Variants in ARID5B observed in about 807,000 individuals in gnomAD.
ARID5B encodes the protein AT-rich interactive domain-containing protein 5B.
In ARID5B, 13 loss-of-function variants were observed where a neutral mutation model predicts 97.2. The observed-to-expected ratio is 0.13, with a 90% CI of 0.09 to 0.21. The LOEUF is 0.21. Among genes scored for constraint, ARID5B ranks in the 10% least tolerant of loss-of-function variants. ARID5B has a pLI of 1.00. For missense variants in ARID5B, 1,210 were observed against 1,465.3 expected (o/e 0.83, Z 2.84); for synonymous variants, 556 against 570.3 (o/e 0.97, Z 0.36).
chr10:62,022,923 G>C (rs1159334600), intron 4 of ARID5B, among the ~76,000 whole-genome samples: 1 of 152,196 alleles, frequency 6.6e-6, no homozygotes, highest in Non-Finnish European at 1.5e-5. Flanking sequence ...CAGAACCCGT[G>C]GTGCCCGTGT....
rs201690306 is a variant in ARID5B at position 62,040,353 on chromosome 10, A to G, written c.734-10535A>G. On this transcript the variant is annotated intron_variant, in intron 4 of 9. Transcript: ENST00000279873. ...CTATTATAACATTATATATATATATATGTGTGTAATGTGTATATATAACTA... is the reference window on the plus strand; with the variant it reads ...CTATTATAACATTATATATATATATGTGTGTGTAATGTGTATATATAACTA... 2.1e-4 allele frequency among the ~76,000 whole-genome samples: 26 copies of G among 121,802 alleles called. No homozygotes were observed. The Middle Eastern group carries it at 0.013, about 60-fold the overall frequency. 79.9% of individuals were successfully genotyped at this position (121,802 alleles called of 152,430 possible). A position where few individuals can be genotyped will look rare whatever the true frequency, so the allele number is the denominator to read the frequency against.
intron 8 of ARID5B, among the ~76,000 whole-genome samples, chr10:62,070,567 A>G (rs566571351): frequency 1.3e-5 from 2 of 152,324 alleles, no homozygotes; most frequent in East Asian, 3.9e-4. Context: ...AGGCAATACC[A>G]TTTAACTCAT....
At chr10:61,935,999 A>T (rs1194118224) in intron 2 of ARID5B, among the ~76,000 whole-genome samples, 4 of 152,248 alleles carry the variant, frequency 2.6e-5, no homozygotes, top group Non-Finnish European at 5.9e-5. Context: ...GAGTGAAAAA[A>T]GCCAGTAATG....
intron 3 of ARID5B, among the ~76,000 whole-genome samples, chr10:61,999,163 A>G (rs1309388199): frequency 6.6e-6 from 1 of 152,212 alleles, no homozygotes; most frequent in Non-Finnish European, 1.5e-5. Flanking sequence ...AAAGGAGAAC[A>G]GGAAATAGTT....
At chr10:62,074,289 C>T (rs9633555) in intron 8 of ARID5B, among the ~76,000 whole-genome samples, 50,274 of 152,102 alleles carry the variant, frequency 0.33, 9,049 homozygotes, top group Non-Finnish European at 0.41. Flanking sequence ...AAATTAGCAA[C>T]TATTCTTCAT....
intron 4 of ARID5B, among the ~76,000 whole-genome samples, chr10:62,041,779 A>G (rs897378466): frequency 2.6e-5 from 4 of 152,244 alleles, no homozygotes; most frequent in African/African-American, 9.6e-5. Context: ...GGAATATCTC[A>G]TTTCCAAACC....
chr10:62,000,035 T>C lies in ARID5B; in HGVS notation c.503-56T>C. ...GATTATTGAAATTATACCATGGCCATGAAAGTTCTTTGTCAGAGGGAAGAG... is the reference window on the plus strand; with the variant it reads ...GATTATTGAAATTATACCATGGCCACGAAAGTTCTTTGTCAGAGGGAAGAG... On this transcript the variant is annotated intron_variant, in intron 3 of 9. Coordinates refer to ENST00000279873, the MANE Select transcript of ARID5B (RefSeq NM_032199.3). This position sits in a 1 kb window ranked among gnomAD's most constrained non-coding sequence, Gnocchi z 4.4. 6.5e-7 allele frequency: 1 copy of C among 1,530,716 alleles called. No homozygotes were observed. Among genetic ancestry groups the C allele is most frequent in the Non-Finnish European group, 9.0e-7 (1 of 1,106,120 alleles). 94.8% of individuals were successfully genotyped at this position (1,530,716 alleles called of 1,614,324 possible).
intron 5 of ARID5B, among the ~76,000 whole-genome samples, chr10:62,051,909 AAG>A (rs1340384299): frequency 6.6e-6 from 1 of 152,074 alleles, no homozygotes; most frequent in Non-Finnish European, 1.5e-5. Context: ...GTGAATTTGG[AAG>A]AGTCTGATGT....
intron 4 of ARID5B, among the ~76,000 whole-genome samples, chr10:62,019,314 C>A (rs1260651853): frequency 2.0e-5 from 3 of 152,166 alleles, no homozygotes; most frequent in African/African-American, 7.2e-5. Flanking sequence ...GCTATTATTT[C>A]TCCTTAATGC....
At chr10:61,917,146 TA>T (rs1843921070) in intron 2 of ARID5B, among the ~76,000 whole-genome samples, 1 of 143,842 alleles carries the variant, frequency 7.0e-6, no homozygotes, top group African/African-American at 2.6e-5. Context: ...GGCAACAGAG[TA>T]AGATCCTGTT....
At chr10:62,049,405 T>G in intron 4 of ARID5B, 1 of 1,550,112 alleles carries the variant, frequency 6.5e-7, no homozygotes, top group Non-Finnish European at 8.7e-7. Context: ...CTTCCAGGGA[T>G]GTGGCCGGGG....
chr10:61,920,000 A>G (rs1458602658), intron 2 of ARID5B, among the ~76,000 whole-genome samples: 1 of 152,202 alleles, frequency 6.6e-6, no homozygotes, highest in East Asian at 1.9e-4. Flanking sequence ...TTCAAGAGAC[A>G]GCCAAGCAGG....
chr10:62,091,113 A>C lies in ARID5B; in HGVS notation c.1650A>C (p.Glu550Asp), dbSNP rs1840363987. Residue 550 changes from glutamate (E) to aspartate (D), a missense_variant, in exon 10 of 10, where the codon GAA becomes GAC. Physicochemically the swap from Glu to Asp is conservative, Grantham distance 45 (BLOSUM62 2). Transcript: ENST00000279873. ...PPLPSAPLAP[E>D]KDSALVPGAS... Reference sequence around the variant, plus strand: ...TCCCAAGTGCTCCTCTGGCCCCAGAAAAAGATTCAGCCTTGGTCCCTGGGG... The same window carrying C: ...TCCCAAGTGCTCCTCTGGCCCCAGACAAAGATTCAGCCTTGGTCCCTGGGG... The C allele has an allele frequency of 6.2e-7, 1 of 1,614,164 alleles. No homozygotes were observed.
intron 4 of ARID5B, among the ~76,000 whole-genome samples, chr10:62,028,341 A>G (rs1302211607): frequency 1.3e-5 from 2 of 152,126 alleles, no homozygotes; most frequent in Non-Finnish European, 2.9e-5. Flanking sequence ...TGAGTGAGCA[A>G]TCCTGTGTTA....
At chr10:62,028,079 T>G (rs1839445253) in intron 4 of ARID5B, among the ~76,000 whole-genome samples, 1 of 152,214 alleles carries the variant, frequency 6.6e-6, no homozygotes, top group Non-Finnish European at 1.5e-5. Flanking sequence ...GAAAACACAC[T>G]TGATTCTGCG....
intron 8 of ARID5B, among the ~76,000 whole-genome samples, chr10:62,075,372 A>G (rs1840114863): frequency 4.6e-5 from 7 of 152,250 alleles, no homozygotes; most frequent in Admixed American, 4.6e-4. Flanking sequence ...AGCCTACAGG[A>G]TGCCAAGTTC....
chr10:62,095,295 G>A lies in ARID5B; in HGVS notation c.*2265G>A, dbSNP rs1840451969. On this transcript the variant is annotated 3_prime_UTR_variant, in exon 10 of 10. Coordinates refer to ENST00000279873, the MANE Select transcript of ARID5B (RefSeq NM_032199.3). ...GAATGGTCACAGAATCGGAGGACAT[G>A]GAAGAAAAAGGAAACTTCGGTGGTT... is the stretch of plus-strand genomic sequence containing the variant. The A allele has an allele frequency of 4.3e-6, 1 of 233,214 alleles. No individual in the cohort carries two copies. Among genetic ancestry groups the A allele is most frequent in the Admixed American group, 5.6e-5 (1 of 17,744 alleles). The allele number at this position is 233,214 out of a possible 1,614,324, so 14.4% of individuals were successfully genotyped here.
At chr10:62,088,820 A>G (rs1840326817) in intron 9 of ARID5B, among the ~76,000 whole-genome samples, 2 of 152,186 alleles carry the variant, frequency 1.3e-5, no homozygotes, top group Non-Finnish European at 2.9e-5. Context: ...CTCAATGGAG[A>G]TACAAAGGGT....
At chr10:61,974,260 T>C (rs1838669954) in intron 3 of ARID5B, among the ~76,000 whole-genome samples, 1 of 152,264 alleles carries the variant, frequency 6.6e-6, no homozygotes, top group Non-Finnish European at 1.5e-5. Context: ...GCCATTGTAA[T>C]GAGACAATGA....
Sources: allele counts gnomAD v4.1 joint callset (sites outside exome capture counted in the v4.1 genomes callset), GRCh38; gene constraint gnomAD v4.1.1; non-coding constraint Gnocchi (gnomAD v3.1); transcripts MANE v1.5; gene names NCBI Gene and HGNC (gene_info 2026-07-23, HGNC 2026-07-21).